Variants in ARHGAP6 observed in about 807,000 individuals in gnomAD.
ARHGAP6 encodes Rho GTPase activating protein 6.
A neutral mutation model predicts 55.7 loss-of-function variants in ARHGAP6; 16 were observed. The observed-to-expected ratio is 0.29, with a 90% confidence interval of 0.19 to 0.44. ARHGAP6 has a LOEUF of 0.44. Ranked by LOEUF, ARHGAP6 falls within the 20% of genes least tolerant of loss-of-function variation. The pLI is 1.00. For missense variants in ARHGAP6, 698 were observed against 808.9 expected, an observed-to-expected ratio of 0.86 and a Z score of 1.66; for synonymous variants, 382 against 360.9, an observed-to-expected ratio of 1.06 and a Z score of -0.66.
chrX:11,214,035 A>G, intron 2 of ARHGAP6, among the ~76,000 whole-genome samples: 1 of 111,593 alleles, frequency 9.0e-6, no homozygotes, highest in East Asian at 2.8e-4. Flanking sequence ...GAAATGATGC[A>G]TGAATACATC....
intron 1 of ARHGAP6, among the ~76,000 whole-genome samples, chrX:11,588,106 G>A (rs1195261815): frequency 8.9e-6 from 1 of 112,333 alleles, no homozygotes; most frequent in Non-Finnish European, 1.9e-5. Context: ...ATTTGAGGCA[G>A]ACACATCCAT....
At chrX:11,527,659 C>A (rs1333411798) in intron 1 of ARHGAP6, among the ~76,000 whole-genome samples, 1 of 112,312 alleles carries the variant, frequency 8.9e-6, no homozygotes, top group Non-Finnish European at 1.9e-5. Flanking sequence ...CAATTGTCTG[C>A]TGCATCTTTT....
intron 1 of ARHGAP6, among the ~76,000 whole-genome samples, chrX:11,592,603 T>C (rs2051849395): frequency 9.0e-6 from 1 of 111,468 alleles, no homozygotes; most frequent in Non-Finnish European, 1.9e-5. Flanking sequence ...AGTATTATAG[T>C]TATTAGTGGT....
chrX:11,509,149 C>T, intron 1 of ARHGAP6, among the ~76,000 whole-genome samples: 1 of 111,948 alleles, frequency 8.9e-6, no homozygotes, highest in Non-Finnish European at 1.9e-5. Flanking sequence ...CAAAATATCT[C>T]ATCCCTACAA....
chrX:11,565,098 C>G (rs777877076), intron 1 of ARHGAP6, among the ~76,000 whole-genome samples: 2 of 112,059 alleles, frequency 1.8e-5, no homozygotes, highest in Non-Finnish European at 3.8e-5. Flanking sequence ...AGTAAGGATA[C>G]GGTTAGGGAG....
chrX:11,382,661 G>A (rs1255881986), intron 1 of ARHGAP6, among the ~76,000 whole-genome samples: 2 of 111,231 alleles, frequency 1.8e-5, no homozygotes, highest in East Asian at 2.8e-4. Flanking sequence ...AACAAAAGGT[G>A]TAGATCCCCC....
chrX:11,453,172 G>C (rs2050158867), intron 1 of ARHGAP6, among the ~76,000 whole-genome samples: 1 of 98,629 alleles, frequency 1.0e-5, no homozygotes, highest in Non-Finnish European at 2.1e-5. Context: ...GCAGTTTTAT[G>C]TGGAATTGGC....
At position 11,665,119 on chromosome X, in the gene ARHGAP6, AGAG is replaced by A. The variant is rs2052743360; in HGVS notation, c.-294_-292del. The A allele has an allele frequency of 1.1e-5, 3 of 261,131 alleles. No individual in the cohort carries two copies. Among genetic ancestry groups the A allele is most frequent in the South Asian group, 1.5e-4 (1 of 6,467 alleles). The allele number at this position is 261,131 out of a possible 1,213,427, so 21.5% of individuals were successfully genotyped here. On this transcript the variant is annotated 5_prime_UTR_variant, in exon 1 of 13. Transcript: ENST00000337414. ...GCCCAAGACGCGAAGAGGGTCAGGA[AGAG>A]GAGGAGGAAGGTCAGGCGCTCGCTG...
rs766058511 is a variant in ARHGAP6 at position 11,527,627 on chromosome X, A to G, written c.588+136614T>C. On this transcript the variant is annotated intron_variant, in intron 1 of 12. Transcript: ENST00000337414. Reference sequence around the variant, plus strand: ...ATTCCATCTCAAAAAATAAAAAGAAAAGAAAAGAAAAAAGAATTAACCAAT... The same window carrying G: ...ATTCCATCTCAAAAAATAAAAAGAAGAGAAAAGAAAAAAGAATTAACCAAT... Among the ~76,000 whole-genome samples, 2 of 112,352 alleles carry G rather than the reference A, an allele frequency of 1.8e-5. 1 individual carries two copies. The highest frequency in any genetic ancestry group is 7.3e-4 in the South Asian group (2 of 2,741).
intron 8 of ARHGAP6, among the ~76,000 whole-genome samples, chrX:11,174,636 TTTCTTTCTTTCTTTC>T (rs1194434470): frequency 1.3e-4 from 6 of 45,952 alleles, no homozygotes; most frequent in African/African-American, 6.0e-4. Flanking sequence ...TCTTTCTTTC[TTTCTTTCTTTCTTTC>T]TTTCTTTCTT....
chrX:11,330,578 T>C (rs937914175), intron 1 of ARHGAP6, among the ~76,000 whole-genome samples: 34 of 111,183 alleles, frequency 3.1e-4, no homozygotes, highest in African/African-American at 1.0e-3. Context: ...ACACAATCTT[T>C]TACACATCCC....
intron 1 of ARHGAP6, among the ~76,000 whole-genome samples, chrX:11,597,030 C>G (rs2147138640): frequency 8.9e-6 from 1 of 111,902 alleles, no homozygotes; most frequent in African/African-American, 3.2e-5. Flanking sequence ...TTCCCCCACT[C>G]AGTCCCAGGC....
At chrX:11,610,985 T>C (rs777849316) in intron 1 of ARHGAP6, among the ~76,000 whole-genome samples, 7 of 112,827 alleles carry the variant, frequency 6.2e-5, no homozygotes, top group Admixed American at 1.9e-4. Flanking sequence ...TTCATCTATG[T>C]TGTAGCATAT....
At position 11,304,030 on chromosome X, in the gene ARHGAP6, G is replaced by A. The variant is rs7888431; in HGVS notation, c.589-49323C>T. Among the ~76,000 whole-genome samples the A allele has an allele frequency of 7.0e-3, 784 of 111,304 alleles. 6 individuals are homozygous for A. The highest frequency in any genetic ancestry group is 0.024 in the African/African-American group (734 of 30,592). On this transcript the variant is annotated intron_variant, in intron 1 of 12. Coordinates refer to ENST00000337414, the MANE Select transcript of ARHGAP6 (RefSeq NM_013427.3). ...ACACTACCCAGTTGGAAGCAGGAGT[G>A]ATACAAAATTAGGATATGACATGGA...
At chrX:11,210,542 G>T (rs2046777892) in intron 2 of ARHGAP6, among the ~76,000 whole-genome samples, 1 of 112,508 alleles carries the variant, frequency 8.9e-6, no homozygotes, top group Admixed American at 9.4e-5. Context: ...GATTTGAATG[G>T]TATTTCTTGA....
intron 1 of ARHGAP6, among the ~76,000 whole-genome samples, chrX:11,506,736 A>G (rs767815372): frequency 2.0e-4 from 22 of 111,468 alleles, no homozygotes; most frequent in East Asian, 1.7e-3. Context: ...ATGATTTATA[A>G]TCCTTTGGGT....
chrX:11,182,903 AC>A (rs2046337402), intron 5 of ARHGAP6, among the ~76,000 whole-genome samples: 1 of 110,985 alleles, frequency 9.0e-6, no homozygotes, highest in Non-Finnish European at 1.9e-5. Flanking sequence ...GGTGTGAGCC[AC>A]TGTGCCTAGC....
chrX:11,237,801 A>G (rs1363554114), intron 2 of ARHGAP6, among the ~76,000 whole-genome samples: 1 of 112,361 alleles, frequency 8.9e-6, no homozygotes, highest in Non-Finnish European at 1.9e-5. Context: ...AAAAAGATAC[A>G]CTTGGGTGGC....
chrX:11,635,622 C>T (rs1270949843), intron 1 of ARHGAP6, among the ~76,000 whole-genome samples: 5 of 111,210 alleles, frequency 4.5e-5, no homozygotes, highest in Non-Finnish European at 9.4e-5. Context: ...TAAATGGGTA[C>T]TCAGGCCATA....
Sources: allele counts gnomAD v4.1 joint callset (sites outside exome capture counted in the v4.1 genomes callset), GRCh38; gene constraint gnomAD v4.1.1; transcripts MANE v1.5; gene names NCBI Gene and HGNC (gene_info 2026-07-23, HGNC 2026-07-21).